Variants in RABEPK observed in about 807,000 individuals in gnomAD.
RABEPK encodes the protein Rab9 effector protein with kelch motifs.
A neutral mutation model predicts 34.1 loss-of-function variants in RABEPK; 27 were observed. That is an observed-to-expected ratio of 0.79 (90% confidence interval 0.58 to 1.09). RABEPK has a LOEUF of 1.09. Among genes scored for constraint, RABEPK ranks in the 50% least tolerant of loss-of-function variants. RABEPK has a pLI of 0.00. For missense variants in RABEPK, 449 were observed against 462.6 expected (o/e 0.97, Z 0.27); for synonymous variants, 172 against 169.2 (o/e 1.02, Z -0.13).
At chr9:125,202,698 C>CA (rs1829984478) in intron 1 of RABEPK, among the ~76,000 whole-genome samples, 1 of 151,882 alleles carries the variant, frequency 6.6e-6, no homozygotes, top group Non-Finnish European at 1.5e-5. Context: ...GGCGTAGTGG[C>CA]ACATGCCTGT....
At chr9:125,231,298 GA>G (rs60998992) in intron 6 of RABEPK, among the ~76,000 whole-genome samples, 1 of 150,608 alleles carries the variant, frequency 6.6e-6, no homozygotes. Context: ...TGTCTCAAAA[GA>G]AAAAAAAATG....
At chr9:125,213,572 TGC>T in intron 4 of RABEPK, 50 bp downstream of exon 4, 1 of 1,430,694 alleles carries the variant, frequency 7.0e-7, no homozygotes, top group Non-Finnish European at 9.8e-7. Context: ...TAAACTTTCA[TGC>T]ACACACACAC....
intron 6 of RABEPK, among the ~76,000 whole-genome samples, chr9:125,231,894 A>ATTTTTTTTT (rs555538576): frequency 8.9e-6 from 1 of 112,662 alleles, no homozygotes; most frequent in Non-Finnish European, 1.8e-5. Context: ...AAGGAACTGT[A>ATTTTTTTTT]TTTTTTTTTT....
intron 4 of RABEPK, chr9:125,220,204 G>A (rs985608295): frequency 2.4e-6 from 2 of 827,002 alleles, no homozygotes; most frequent in South Asian, 5.4e-5. Context: ...TTTACCCCAT[G>A]TTGGCCAGGC....
intron 3 of RABEPK, among the ~76,000 whole-genome samples, chr9:125,210,264 G>T (rs920117483): frequency 1.3e-5 from 2 of 150,094 alleles, no homozygotes; most frequent in Non-Finnish European, 3.0e-5. Flanking sequence ...TTAGCCAGGC[G>T]TGGTGGCGGG....
chr9:125,207,647 A>G lies in RABEPK; in HGVS notation c.137A>G (p.Lys46Arg), dbSNP rs1197642533. The G allele has an allele frequency of 2.0e-5, 33 of 1,614,058 alleles. No homozygotes were observed. Among genetic ancestry groups the G allele is most frequent in the Non-Finnish European group, 2.7e-5 (32 of 1,180,020 alleles). Residue 46 changes from lysine (K) to arginine (R), a missense_variant, in exon 3 of 8, where the codon AAG (lysine) becomes AGG (arginine). Transcript: ENST00000373538. ...TATTTACCCCCAGTTGGTAATGCCA[A>G]GAGAGGGAAGGTCTTCATTGTTGGG... is the stretch of plus-strand genomic sequence containing the variant. ...CSYLPPVGNA[K>R]RGKVFIVGGA...
Position 125,213,496 on chromosome 9 carries a change from G to A in RABEPK, c.338G>A (p.Arg113Gln), listed in dbSNP as rs139424130. The stretch of plus-strand genomic sequence containing the variant: ...GGAGGTGCCAACCAATCAGGAAATC[G>A]AAATTGTCTACAAGTCCTGAATCCT... ...VFGGANQSGN[R>Q]NCLQVLNPET... Residue 113 changes from arginine (R) to glutamine (Q), a missense_variant, in exon 4 of 8, where the codon CGA becomes CAA. By Grantham distance (43) the Arg-to-Gln change is conservative. Coordinates refer to ENST00000373538, the MANE Select transcript of RABEPK (RefSeq NM_005833.4). 1.0e-4 allele frequency: 163 copies of A among 1,613,924 alleles called. 1 individual carries two copies. Among genetic ancestry groups the A allele is most frequent in the African/African-American group, 8.4e-4 (63 of 74,996 alleles).
chr9:125,232,089 G>A (rs1832224832), intron 6 of RABEPK, among the ~76,000 whole-genome samples: 1 of 151,630 alleles, frequency 6.6e-6, no homozygotes, highest in Admixed American at 6.6e-5. Context: ...AGTAGAGACG[G>A]GGTTTCTCCA....
At chr9:125,217,890 A>T (rs899542289) in intron 4 of RABEPK, among the ~76,000 whole-genome samples, 5 of 152,176 alleles carry the variant, frequency 3.3e-5, no homozygotes. Flanking sequence ...TTCAGTCTCC[A>T]GGTCCCCATT....
At chr9:125,205,239 A>G (rs1830149024) in intron 2 of RABEPK, among the ~76,000 whole-genome samples, 2 of 152,158 alleles carry the variant, frequency 1.3e-5, no homozygotes, top group Admixed American at 6.6e-5. Context: ...CTCCTAAGAC[A>G]TGCATGTCCT....
At chr9:125,205,726 G>T (rs1401597607) in intron 2 of RABEPK, among the ~76,000 whole-genome samples, 1 of 152,146 alleles carries the variant, frequency 6.6e-6, no homozygotes. Flanking sequence ...TTGACCTCAT[G>T]ATCTGCCTGC....
chr9:125,215,372 T>C (rs1830867210), intron 4 of RABEPK, among the ~76,000 whole-genome samples: 3 of 151,774 alleles, frequency 2.0e-5, no homozygotes, highest in Admixed American at 6.6e-5. Context: ...TGCAGTGGTA[T>C]GATCACAGCT....
At chr9:125,227,035 T>C (rs1044193339) in intron 5 of RABEPK, among the ~76,000 whole-genome samples, 5 of 151,118 alleles carry the variant, frequency 3.3e-5, no homozygotes, top group Non-Finnish European at 2.9e-5. Flanking sequence ...CTGCATGTGG[T>C]GTTGCATGCC....
At chr9:125,203,413 CTGTT>C (rs1348017349) in intron 2 of RABEPK, among the ~76,000 whole-genome samples, 2 of 152,202 alleles carry the variant, frequency 1.3e-5, no homozygotes, top group Admixed American at 1.3e-4. Flanking sequence ...TGTTTCTTGG[CTGTT>C]TGTTCAAACA....
At chr9:125,207,827 T>A in intron 3 of RABEPK, 106 bp downstream of exon 3, 4 of 1,397,722 alleles carry the variant, frequency 2.9e-6, no homozygotes, top group Admixed American at 4.0e-5. Flanking sequence ...GGTTTTCCTA[T>A]AAGAAAACAT....
At chr9:125,201,244 A>G (rs1434938299) in intron 1 of RABEPK, among the ~76,000 whole-genome samples, 4 of 152,228 alleles carry the variant, frequency 2.6e-5, no homozygotes, top group Non-Finnish European at 5.9e-5. Context: ...TTTGAAGGTT[A>G]ACTAGGAGTT....
rs1374852263 is a variant in RABEPK, at chr9:125,233,741, T to C, written c.880T>C (p.Leu294=). The C allele has an allele frequency of 6.2e-7, 1 of 1,613,976 alleles. No homozygotes were observed. The highest frequency in any genetic ancestry group is 8.5e-7 in the Non-Finnish European group (1 of 1,179,966). ...KFDTLLPPGR[L]DHSMCIIPWP... ...TGATACTCTTCTACCCCCTGGACGA[T>C]TGGACCATTCCATGTGTATCATTCC... The change falls in exon 8 of 8, where the codon TTG becomes CTG. Residue 294 remains leucine (L), a synonymous_variant. Coordinates refer to ENST00000373538, the MANE Select transcript of RABEPK (RefSeq NM_005833.4).
intron 6 of RABEPK, among the ~76,000 whole-genome samples, chr9:125,231,157 G>A (rs1409656357): frequency 6.6e-6 from 1 of 151,814 alleles, no homozygotes; most frequent in Non-Finnish European, 1.5e-5. Context: ...GCAAAAATTA[G>A]CCGGGTGTGG....
chr9:125,223,833 C>CCAT (rs1402539540), intron 5 of RABEPK, among the ~76,000 whole-genome samples: 2 of 151,776 alleles, frequency 1.3e-5, no homozygotes, highest in Non-Finnish European at 2.9e-5. Flanking sequence ...CTTGAACAAC[C>CCAT]AGCAGGCATA....
Sources: gnomAD v4.1 joint callset for allele counts (sites outside exome capture counted in the v4.1 genomes callset) on GRCh38, gnomAD v4.1.1 for gene constraint, MANE v1.5 for transcripts, NCBI Gene and HGNC (gene_info 2026-07-23, HGNC 2026-07-21) for gene names.